Variants in DYNC1I1 observed in about 807,000 individuals in gnomAD.
The protein encoded by DYNC1I1 is cytoplasmic dynein 1 intermediate chain 1.
In DYNC1I1, 43 loss-of-function variants were observed where a neutral mutation model predicts 86.6. That is an observed-to-expected ratio of 0.50 (90% confidence interval 0.39 to 0.64). The LOEUF is 0.64. Ranked by LOEUF, DYNC1I1 falls within the 30% of genes least tolerant of loss-of-function variation. The pLI, the probability that DYNC1I1 is intolerant of heterozygous loss-of-function variation, is 0.00. For missense variants in DYNC1I1, 604 were observed against 788.8 expected (o/e 0.77, Z 2.81); for synonymous variants, 262 against 283.7 (o/e 0.92, Z 0.77).
chr7:95,947,839 A>G (rs144858976), intron 6 of DYNC1I1, among the ~76,000 whole-genome samples: 44 of 152,318 alleles, frequency 2.9e-4, no homozygotes, highest in African/African-American at 9.4e-4. Context: ...TTCAAGCATC[A>G]CGGTTATGTG....
intron 1 of DYNC1I1, 48 bp from the exon 2 acceptor site, chr7:95,804,673 G>A (rs752320632): frequency 1.3e-6 from 2 of 1,487,618 alleles, no homozygotes; most frequent in Admixed American, 4.9e-5. Flanking sequence ...ATGATATACA[G>A]AAAAGTTATT....
intron 10 of DYNC1I1, among the ~76,000 whole-genome samples, chr7:96,018,869 C>A (rs1464767806): frequency 6.6e-6 from 1 of 152,166 alleles, no homozygotes; most frequent in East Asian, 1.9e-4. Context: ...GGAAACTTAT[C>A]CCACAATGAT....
intron 10 of DYNC1I1, among the ~76,000 whole-genome samples, chr7:96,023,959 G>T (rs538285444): frequency 3.9e-5 from 6 of 152,278 alleles, no homozygotes; most frequent in Admixed American, 2.6e-4. Context: ...TAATCAAAAT[G>T]TGATGCTTGC....
chr7:95,801,329 C>T (rs1794572929), intron 1 of DYNC1I1, among the ~76,000 whole-genome samples: 1 of 152,262 alleles, frequency 6.6e-6, no homozygotes, highest in South Asian at 2.1e-4. Context: ...CTTTGTAAGA[C>T]ATATTTATTA....
chr7:95,873,376 T>G (rs1790224074), intron 6 of DYNC1I1, among the ~76,000 whole-genome samples: 1 of 152,156 alleles, frequency 6.6e-6, no homozygotes, highest in African/African-American at 2.4e-5. Context: ...AAGAAAAACT[T>G]TCAAACCACT....
intron 1 of DYNC1I1, among the ~76,000 whole-genome samples, chr7:95,793,451 A>G (rs1339285966): frequency 6.6e-6 from 1 of 151,930 alleles, no homozygotes; most frequent in Non-Finnish European, 1.5e-5. Context: ...GGAAGAGGAA[A>G]AGGGAACTCC....
At chr7:95,800,479 G>T (rs1794550821) in intron 1 of DYNC1I1, among the ~76,000 whole-genome samples, 1 of 152,122 alleles carries the variant, frequency 6.6e-6, no homozygotes. Flanking sequence ...AGGAAGGGGA[G>T]ATGCCACTGA....
intron 6 of DYNC1I1, among the ~76,000 whole-genome samples, chr7:95,969,606 A>G (rs927111890): frequency 6.6e-6 from 1 of 152,146 alleles, no homozygotes; most frequent in Admixed American, 6.5e-5. Flanking sequence ...ACTCAATTCA[A>G]TACATATTTA....
intron 6 of DYNC1I1, among the ~76,000 whole-genome samples, chr7:95,942,236 A>G (rs1441880009): frequency 6.6e-6 from 1 of 152,218 alleles, no homozygotes; most frequent in East Asian, 1.9e-4. Flanking sequence ...CGAGAATACT[A>G]CAAACACCTC....
intron 4 of DYNC1I1, among the ~76,000 whole-genome samples, chr7:95,814,458 C>T (rs1794902748): frequency 6.6e-6 from 1 of 152,136 alleles, no homozygotes; most frequent in African/African-American, 2.4e-5. Context: ...TGTACCTTTC[C>T]AGTCCTTGTC....
chr7:96,028,055 A>AT, intron 10 of DYNC1I1, 120 bp from the exon 11 acceptor site: 3 of 1,379,514 alleles, frequency 2.2e-6, no homozygotes, highest in African/African-American at 2.9e-5. Flanking sequence ...CCAGCTTTAA[A>AT]TTATTTTTTT....
At chr7:95,921,398 CT>C (rs913001319) in intron 6 of DYNC1I1, among the ~76,000 whole-genome samples, 1 of 152,176 alleles carries the variant, frequency 6.6e-6, no homozygotes, top group African/African-American at 2.4e-5. Context: ...TGGGAGAGCC[CT>C]TGTGTGAGGC....
chr7:96,088,288 T>C (rs954218539), intron 16 of DYNC1I1, among the ~76,000 whole-genome samples: 1 of 152,174 alleles, frequency 6.6e-6, no homozygotes, highest in Non-Finnish European at 1.5e-5. Flanking sequence ...TAATATCTAA[T>C]ATTATAAACA....
chr7:95,985,163 A>G (rs1196090011), intron 8 of DYNC1I1, among the ~76,000 whole-genome samples, 186 bp downstream of exon 8: 1 of 152,136 alleles, frequency 6.6e-6, no homozygotes, highest in East Asian at 1.9e-4. Flanking sequence ...GCGTCCTTGT[A>G]ATTATCATGT....
intron 9 of DYNC1I1, among the ~76,000 whole-genome samples, chr7:95,987,660 A>T (rs1793629579): frequency 6.6e-6 from 1 of 152,086 alleles, no homozygotes. Flanking sequence ...TCTCTGCAGG[A>T]GATCTCTTCC....
chr7:95,782,240 C>A (rs1733979), intron 1 of DYNC1I1, among the ~76,000 whole-genome samples: 1 of 152,150 alleles, frequency 6.6e-6, no homozygotes, highest in African/African-American at 2.4e-5. Flanking sequence ...AAGTGTAGTC[C>A]TATGGGAAGG....
chr7:96,053,499 A>G (rs1789468346), intron 14 of DYNC1I1, among the ~76,000 whole-genome samples: 1 of 152,158 alleles, frequency 6.6e-6, no homozygotes, highest in Non-Finnish European at 1.5e-5. Flanking sequence ...CTTGGTTCCA[A>G]CAAACTCCTG....
chr7:96,040,659 A>G lies in DYNC1I1; in HGVS notation c.1509+1238A>G, dbSNP rs140255412. Among the ~76,000 whole-genome samples the G allele has an allele frequency of 4.7e-3, 717 of 152,088 alleles. 4 individuals carry two copies. The highest frequency in any genetic ancestry group is 0.016 in the South Asian group (78 of 4,808). Reference sequence around the variant, plus strand: ...TTTGATATGTGAGTCAGAAGAAGAGAGAGCCCTCCAAACAGAACGTATGCA... The same window carrying G: ...TTTGATATGTGAGTCAGAAGAAGAGGGAGCCCTCCAAACAGAACGTATGCA... On this transcript the variant is annotated intron_variant, in intron 14 of 16. Transcript: ENST00000447467.
intron 13 of DYNC1I1, among the ~76,000 whole-genome samples, chr7:96,036,891 C>A (rs145381208): frequency 1.3e-5 from 2 of 152,262 alleles, no homozygotes; most frequent in Non-Finnish European, 2.9e-5. Flanking sequence ...TAACAGGTGG[C>A]CTCATGTCTT....
Sources: allele counts gnomAD v4.1 joint callset (sites outside exome capture counted in the v4.1 genomes callset), GRCh38; gene constraint gnomAD v4.1.1; transcripts MANE v1.5; gene names NCBI Gene and HGNC (gene_info 2026-07-23, HGNC 2026-07-21).